ATP6V0A4: variants seen among roughly 807,000 people sequenced by gnomAD.
ATP6V0A4 encodes the protein V-type proton ATPase 116 kDa subunit a 4.
A neutral mutation model predicts 107.3 loss-of-function variants in ATP6V0A4; 86 were observed. That is an observed-to-expected ratio of 0.80 (90% CI 0.67 to 0.96). The LOEUF (loss-of-function observed/expected upper bound fraction) is 0.96, where lower values mean the gene tolerates loss of function less well. Ranked by LOEUF, ATP6V0A4 falls within the 40% of genes least tolerant of loss-of-function variation. The probability of loss-of-function intolerance (pLI) is 0.00; values close to 1 mark genes in which losing one functional copy is unlikely to be tolerated. For missense variants in ATP6V0A4, 908 were observed against 1,045.6 expected (o/e 0.87, Z 1.81); for synonymous variants, 353 against 381.4 (o/e 0.93, Z 0.87).
intron 4 of ATP6V0A4, 128 bp downstream of exon 4, chr7:138,769,045 G>T: frequency 6.4e-7 from 1 of 1,572,538 alleles, no homozygotes; most frequent in Non-Finnish European, 8.6e-7. Flanking sequence ...CCTCCAGGTG[G>T]GCCTCTGGGA....
At chr7:138,788,413 A>G (rs1230056535) in intron 1 of ATP6V0A4, among the ~76,000 whole-genome samples, 1 of 152,168 alleles carries the variant, frequency 6.6e-6, no homozygotes, top group Non-Finnish European at 1.5e-5. Flanking sequence ...CTTCACCTTA[A>G]AATGCCCTTA....
chr7:138,749,385 G>T, intron 11 of ATP6V0A4, 68 bp from the exon 12 acceptor site: 2 of 1,575,444 alleles, frequency 1.3e-6, no homozygotes. Context: ...CAGCACAAAG[G>T]TCACAGTCCC....
chr7:138,729,444 C>G (rs922605659), intron 17 of ATP6V0A4, among the ~76,000 whole-genome samples: 2 of 152,190 alleles, frequency 1.3e-5, no homozygotes, highest in African/African-American at 4.8e-5. Flanking sequence ...GCAATTTACT[C>G]AACAGGCTCT....
chr7:138,789,968 CAAAA>C (rs34413519), intron 1 of ATP6V0A4, among the ~76,000 whole-genome samples: 2 of 126,742 alleles, frequency 1.6e-5, no homozygotes, highest in African/African-American at 5.7e-5. Context: ...GACTCTGTCT[CAAAA>C]AAAAAAAAAA....
rs948419652 is a variant in ATP6V0A4 at position 138,728,619 on chromosome 7, C to T, written c.2010+142G>A. 26 of 1,151,604 alleles carry T rather than the reference C, an allele frequency of 2.3e-5. No homozygotes were observed. In the African/African-American group the frequency reaches 3.8e-4, roughly 17 times the overall value. The allele number at this position is 1,151,604 out of a possible 1,614,324, so 71.3% of individuals were successfully genotyped here. A position where few individuals can be genotyped will look rare whatever the true frequency, so the allele number is the denominator to read the frequency against. ...AAAAGTCTAGCTCCACAGAACGAAA[C>T]ATACTCAGGGCGGGTCAGTTCCTCA... On this transcript the variant is annotated intron_variant, in intron 18 of 21. Coordinates refer to ENST00000310018, the MANE Select transcript of ATP6V0A4 (RefSeq NM_020632.3).
intron 19 of ATP6V0A4, among the ~76,000 whole-genome samples, chr7:138,716,586 G>GAA (rs368732942): frequency 2.7e-5 from 4 of 148,330 alleles, no homozygotes; most frequent in African/African-American, 1.0e-4. Context: ...GGGGGGGGGG[G>GAA]AGGGTCTTGC....
chr7:138,772,011 C>T (rs945095176), intron 2 of ATP6V0A4, among the ~76,000 whole-genome samples: 1 of 152,222 alleles, frequency 6.6e-6, no homozygotes, highest in Non-Finnish European at 1.5e-5. Context: ...CACTCTAGAA[C>T]TCAGTTGTGG....
At position 138,706,325 on chromosome 7, in the gene ATP6V0A4, CA is replaced by C. The variant is rs1260942970; in HGVS notation, c.*298del. ...ACTCAGATGTTTATTTTCTCAAATACAATATTTAAAATATTGCAAGAAGACA... is the reference window on the plus strand; with the variant it reads ...ACTCAGATGTTTATTTTCTCAAATACATATTTAAAATATTGCAAGAAGACA... On this transcript the variant is annotated 3_prime_UTR_variant, in exon 22 of 22. Transcript: ENST00000310018. 4 of 380,224 alleles carry C rather than the reference CA, an allele frequency of 1.1e-5. No homozygotes were observed. The highest frequency in any genetic ancestry group is 2.0e-5 in the Non-Finnish European group (4 of 200,748). The allele number at this position is 380,224 out of a possible 1,614,324, so 23.6% of individuals were successfully genotyped here.
rs146952426 is a variant in ATP6V0A4, at chr7:138,742,121, T to A, written c.1479-2488A>T. ...GGTAGGCTGGCGAAATTATGCAGAT[T>A]GAACAAGTTTCAAAACTCATCTCGG... On this transcript the variant is annotated intron_variant, in intron 14 of 21. Coordinates refer to ENST00000310018, the MANE Select transcript of ATP6V0A4 (RefSeq NM_020632.3). Among the ~76,000 whole-genome samples the A allele has an allele frequency of 1.9e-3, 282 of 152,242 alleles. 2 individuals are homozygous for A. The highest frequency in any genetic ancestry group is 6.4e-3 in the African/African-American group (268 of 41,560).
chr7:138,769,312 CTTTTTTTT>C, intron 3 of ATP6V0A4, 61 bp from the exon 4 acceptor site: 10 of 1,325,902 alleles, frequency 7.5e-6, no homozygotes, highest in Non-Finnish European at 9.8e-6. Context: ...AGATTTCTTT[CTTTTTTTT>C]TTTTTTTTTT....
intron 19 of ATP6V0A4, among the ~76,000 whole-genome samples, chr7:138,720,639 A>T (rs1237879590): frequency 6.7e-6 from 1 of 149,280 alleles, no homozygotes; most frequent in Non-Finnish European, 1.5e-5. Context: ...ATTAATCAAG[A>T]TAATTTTTTT....
chr7:138,730,931 C>CTTTTTTTTT (rs66521953), intron 17 of ATP6V0A4, among the ~76,000 whole-genome samples: 2 of 123,758 alleles, frequency 1.6e-5, no homozygotes, highest in Non-Finnish European at 3.2e-5. Context: ...TCTTCTTCTT[C>CTTTTTTTTT]TTTTTTTATT....
chr7:138,797,208 CTTTTTT>C (rs3842142), intron 1 of ATP6V0A4, among the ~76,000 whole-genome samples: 3 of 96,110 alleles, frequency 3.1e-5, no homozygotes, highest in Admixed American at 2.4e-4. Flanking sequence ...ATGCCATTTT[CTTTTTT>C]TTTTTTTTTT....
chr7:138,759,381 C>T (rs1367144049), intron 8 of ATP6V0A4, among the ~76,000 whole-genome samples: 1 of 151,930 alleles, frequency 6.6e-6, no homozygotes, highest in Non-Finnish European at 1.5e-5. Context: ...ACAAGATCCC[C>T]GGGTGACCTC....
intron 14 of ATP6V0A4, chr7:138,739,837 A>G (rs1356906839): frequency 1.1e-5 from 5 of 467,876 alleles, no homozygotes; most frequent in Non-Finnish European, 1.4e-5. Context: ...TCTCAGCCTG[A>G]TGTGCTATAG....
chr7:138,780,615 C>T (rs1291457172), intron 2 of ATP6V0A4, among the ~76,000 whole-genome samples: 2 of 152,168 alleles, frequency 1.3e-5, no homozygotes, highest in African/African-American at 4.8e-5. Context: ...TTGCTGAGCC[C>T]ACGCACAACC....
In ATP6V0A4 at chr7:138,755,647, C is replaced by T. The variant is rs771380122; in HGVS notation, c.816+42G>A. ...TATGAAAACAGCAGAGGCAGCCCTC[C>T]TGCAGCTGCCATCAGACCATGCGCC... is the stretch of plus-strand genomic sequence containing the variant. On this transcript the variant is annotated intron_variant, in intron 10 of 21. Transcript: ENST00000310018. The T allele has an allele frequency of 7.0e-5, 112 of 1,610,964 alleles. 1 individual carries two copies. In the East Asian group the frequency reaches 2.3e-3, roughly 33 times the overall value.
chr7:138,737,589 T>C (rs867564983), intron 15 of ATP6V0A4, among the ~76,000 whole-genome samples: 4,271 of 148,156 alleles, frequency 0.029, 210 homozygotes, highest in African/African-American at 0.1. Context: ...CTTTTTTTTT[T>C]TTTTTTTTTT....
At position 138,759,052 on chromosome 7, in the gene ATP6V0A4, A is replaced by ATTTTT. The variant is rs33940158; in HGVS notation, c.639+695_639+699dup. Among the ~76,000 whole-genome samples the ATTTTT allele has an allele frequency of 4.8e-4, 26 of 54,570 alleles. 1 individual carries two copies. Among genetic ancestry groups the ATTTTT allele is most frequent in the African/African-American group, 8.7e-4 (10 of 11,462 alleles). 35.8% of individuals were successfully genotyped at this position (54,570 alleles called of 152,430 possible). On this transcript the variant is annotated intron_variant, in intron 8 of 21. Transcript: ENST00000310018. ...AGGCATGAGCCACCATGCCCAGCCTATTTTTTTTTTTTTTTTTTTTTTTTT... is the reference window on the plus strand; with the variant it reads ...AGGCATGAGCCACCATGCCCAGCCTATTTTTTTTTTTTTTTTTTTTTTTTTTTTTT...
Sources: allele counts gnomAD v4.1 joint callset (sites outside exome capture counted in the v4.1 genomes callset), GRCh38; gene constraint gnomAD v4.1.1; transcripts MANE v1.5; gene names NCBI Gene and HGNC (gene_info 2026-07-23, HGNC 2026-07-21).